Variants in NRXN1 observed in about 807,000 individuals in gnomAD.
NRXN1 encodes the protein neurexin 1, also known as neurexin-1.
A neutral mutation model predicts 150.9 loss-of-function variants in NRXN1; 39 were observed. The ratio of observed to expected loss-of-function variants is 0.26; its 90% CI spans 0.20 to 0.34. NRXN1 has a LOEUF of 0.34. Ranked by LOEUF, NRXN1 falls within the 10% of genes least tolerant of loss-of-function variation. The probability of loss-of-function intolerance (pLI) is 1.00; values close to 1 mark genes in which losing one functional copy is unlikely to be tolerated. For synonymous variants in NRXN1, 924 were observed against 757.0 expected (o/e 1.22, Z -3.62); for missense variants, 1,815 against 1,949.9 (o/e 0.93, Z 1.30).
intron 5 of NRXN1, among the ~76,000 whole-genome samples, chr2:50,809,357 C>G (rs528971102): frequency 4.1e-4 from 62 of 152,166 alleles, no homozygotes; most frequent in African/African-American, 1.3e-3. Context: ...AATCCTCTCG[C>G]TAAGGAATTA....
intron 5 of NRXN1, among the ~76,000 whole-genome samples, chr2:50,700,912 C>T (rs1404517369): frequency 8.6e-5 from 13 of 151,796 alleles, no homozygotes; most frequent in Admixed American, 4.6e-4. Flanking sequence ...GTGATCTGCC[C>T]GCCTCGGCCT....
chr2:50,418,167 G>T (rs1224983347), intron 17 of NRXN1, among the ~76,000 whole-genome samples: 1 of 151,940 alleles, frequency 6.6e-6, no homozygotes, highest in Non-Finnish European at 1.5e-5. Flanking sequence ...ACAAGTGACC[G>T]ATGGAATGTA....
intron 3 of NRXN1, among the ~76,000 whole-genome samples, chr2:50,924,163 T>C (rs1343835377): frequency 6.6e-6 from 1 of 151,914 alleles, no homozygotes; most frequent in African/African-American, 2.4e-5. Context: ...GAGGAAATTG[T>C]CTTGAAGATC....
At chr2:50,687,591 A>G (rs147430002) in intron 5 of NRXN1, among the ~76,000 whole-genome samples, 4 of 152,322 alleles carry the variant, frequency 2.6e-5, no homozygotes, top group East Asian at 1.9e-4. Context: ...ATTAAGAATG[A>G]CATGCTGAAT....
At chr2:50,084,824 G>C (rs1237750858) in intron 19 of NRXN1, among the ~76,000 whole-genome samples, 1 of 152,170 alleles carries the variant, frequency 6.6e-6, no homozygotes, top group Non-Finnish European at 1.5e-5. Flanking sequence ...GATAAAGTAA[G>C]AACAAGTGAG....
chr2:51,020,365 T>C (rs1300451423), intron 2 of NRXN1, among the ~76,000 whole-genome samples: 1 of 151,950 alleles, frequency 6.6e-6, no homozygotes, highest in Non-Finnish European at 1.5e-5. Flanking sequence ...GGAAACAATG[T>C]CCTCTTTACT....
At chr2:49,945,164 G>C (rs2104395350) in intron 21 of NRXN1, 1 of 152,258 alleles carries the variant, frequency 6.6e-6, no homozygotes, top group African/African-American at 2.4e-5. Context: ...TACTTCTTCT[G>C]AGACAATTGG....
At chr2:50,550,745 G>A (rs189338697) in intron 9 of NRXN1, among the ~76,000 whole-genome samples, 1 of 149,138 alleles carries the variant, frequency 6.7e-6, no homozygotes, top group African/African-American at 2.5e-5. Context: ...GCCGCGGCCC[G>A]ATCTCGGCTC....
At chr2:50,701,138 T>C (rs916569123) in intron 5 of NRXN1, among the ~76,000 whole-genome samples, 1 of 152,182 alleles carries the variant, frequency 6.6e-6, no homozygotes, top group African/African-American at 2.4e-5. Context: ...AAGTTATTTA[T>C]CACACCTTGT....
At chr2:50,704,506 A>G (rs1050537531) in intron 5 of NRXN1, among the ~76,000 whole-genome samples, 4 of 151,986 alleles carry the variant, frequency 2.6e-5, no homozygotes, top group African/African-American at 4.8e-5. Flanking sequence ...TAGAAGCTAA[A>G]AATCTGAAAA....
chr2:50,710,084 A>G (rs1419172691), intron 5 of NRXN1, among the ~76,000 whole-genome samples: 1 of 152,190 alleles, frequency 6.6e-6, no homozygotes, highest in Non-Finnish European at 1.5e-5. Context: ...CTATATAAAG[A>G]AAGGTTGAGA....
At chr2:50,570,543 G>A (rs1168822796) in intron 8 of NRXN1, among the ~76,000 whole-genome samples, 1 of 152,122 alleles carries the variant, frequency 6.6e-6, no homozygotes, top group East Asian at 1.9e-4. Context: ...ACTTATTCAA[G>A]TTAGCACTTT....
intron 18 of NRXN1, among the ~76,000 whole-genome samples, chr2:50,226,445 T>C (rs1213911561): frequency 1.3e-5 from 2 of 151,934 alleles, no homozygotes; most frequent in Non-Finnish European, 1.5e-5. Context: ...GTATTTCTAG[T>C]GCTTTGGAAA....
chr2:50,828,589 C>A (rs1670886292), intron 5 of NRXN1, among the ~76,000 whole-genome samples: 1 of 148,224 alleles, frequency 6.7e-6, no homozygotes, highest in Non-Finnish European at 1.5e-5. Context: ...ACATCCCAGA[C>A]AGGGCGGTGG....
chr2:49,944,476 A>G (rs1672538462), intron 21 of NRXN1, among the ~76,000 whole-genome samples: 1 of 152,008 alleles, frequency 6.6e-6, no homozygotes, highest in Non-Finnish European at 1.5e-5. Context: ...AAAGTGGGGG[A>G]GGGGAAGAGG....
intron 17 of NRXN1, among the ~76,000 whole-genome samples, chr2:50,366,264 T>A (rs1361159076): frequency 2.0e-5 from 3 of 151,408 alleles, no homozygotes; most frequent in Non-Finnish European, 4.4e-5. Flanking sequence ...TAATTTGTAA[T>A]AAGACTCAGA....
rs762445856 is a variant in NRXN1 at position 50,530,108 on chromosome 2, C to T, written c.2347+1119G>A. Among the ~76,000 whole-genome samples, 55 of 152,108 alleles carry T rather than the reference C, an allele frequency of 3.6e-4. 1 individual carries two copies. In the Middle Eastern group the frequency reaches 0.01, roughly 28 times the overall value. ...CTCTCTGTTTATTCATTTCTATATACGTGTGTTTAACACTGTCAAAAATAC... is the reference window on the plus strand; with the variant it reads ...CTCTCTGTTTATTCATTTCTATATATGTGTGTTTAACACTGTCAAAAATAC... On this transcript the variant is annotated intron_variant, in intron 11 of 22. Transcript: ENST00000401669.
intron 18 of NRXN1, among the ~76,000 whole-genome samples, chr2:50,107,350 A>G (rs191151179): frequency 5.3e-5 from 8 of 151,270 alleles, no homozygotes; most frequent in Admixed American, 4.6e-4. Context: ...CAGACTATTC[A>G]ACTGGAAATT....
At chr2:50,104,799 A>G (rs1701421141) in intron 18 of NRXN1, among the ~76,000 whole-genome samples, 1 of 152,036 alleles carries the variant, frequency 6.6e-6, no homozygotes, top group Non-Finnish European at 1.5e-5. Flanking sequence ...GAAGTCCAAC[A>G]TGCTTACAAG....
Sources: allele counts gnomAD v4.1 joint callset (sites outside exome capture counted in the v4.1 genomes callset), GRCh38; gene constraint gnomAD v4.1.1; transcripts MANE v1.5; gene names NCBI Gene and HGNC (gene_info 2026-07-23, HGNC 2026-07-21).